The following ASH1L variants were observed in gnomAD, a reference collection of about 807,000 sequenced individuals.
The protein encoded by ASH1L is histone-lysine N-methyltransferase ASH1L.
A neutral mutation model predicts 269.0 loss-of-function variants in ASH1L; 23 were observed. That is an observed-to-expected ratio of 0.09 (90% CI 0.06 to 0.12). ASH1L has a LOEUF of 0.12. ASH1L is among the 10% of genes least tolerant of loss of function. ASH1L has a pLI of 1.00. For synonymous variants in ASH1L, 1,187 were observed against 1,253.5 expected (o/e 0.95, Z 1.12); for missense variants, 2,912 against 3,567.8 (o/e 0.82, Z 4.68).
At chr1:155,539,522 T>C (rs1253134947) in intron 1 of ASH1L, among the ~76,000 whole-genome samples, 4 of 151,978 alleles carry the variant, frequency 2.6e-5, no homozygotes, top group Non-Finnish European at 4.4e-5. Context: ...AGTGGCACGA[T>C]CATAGTTCAC....
chr1:155,519,172 C>T (rs1251940050), intron 2 of ASH1L, among the ~76,000 whole-genome samples: 2 of 152,148 alleles, frequency 1.3e-5, no homozygotes, highest in Admixed American at 6.6e-5. Context: ...TGGTGGCTCA[C>T]GCCTGTCATC....
intron 2 of ASH1L, among the ~76,000 whole-genome samples, chr1:155,500,568 G>GA (rs199674167): frequency 1.2e-4 from 18 of 147,120 alleles, no homozygotes; most frequent in African/African-American, 2.5e-4. Context: ...TAGGCATAAG[G>GA]AAAAAAAAAA....
intron 17 of ASH1L, among the ~76,000 whole-genome samples, chr1:155,351,530 G>A (rs936773173): frequency 6.6e-6 from 1 of 151,440 alleles, no homozygotes; most frequent in Non-Finnish European, 1.5e-5. Context: ...TCCAACCTGG[G>A]CGACAGACTG....
intron 4 of ASH1L, among the ~76,000 whole-genome samples, chr1:155,442,981 A>G (rs1008810073): frequency 1.3e-5 from 2 of 152,136 alleles, no homozygotes; most frequent in African/African-American, 4.8e-5. Context: ...TTATCCTAAT[A>G]CTTTCTCCTT....
At chr1:155,521,872 C>A (rs770957290) in intron 1 of ASH1L, among the ~76,000 whole-genome samples, 1 of 152,124 alleles carries the variant, frequency 6.6e-6, no homozygotes, top group African/African-American at 2.4e-5. Flanking sequence ...TTAAGAATCA[C>A]CAAGAAGCTT....
At chr1:155,488,387 C>CG (rs1343297352) in intron 2 of ASH1L, among the ~76,000 whole-genome samples, 1 of 149,132 alleles carries the variant, frequency 6.7e-6, no homozygotes, top group Non-Finnish European at 1.5e-5. Flanking sequence ...AAGCCGGGTA[C>CG]GGTGGCTCAT....
intron 5 of ASH1L, among the ~76,000 whole-genome samples, chr1:155,421,822 T>G (rs901001586): frequency 2.0e-5 from 3 of 152,144 alleles, no homozygotes; most frequent in Admixed American, 1.3e-4. Flanking sequence ...ATGACTAATT[T>G]TTTTTTTGAA....
chr1:155,501,098 T>C (rs983218481), intron 2 of ASH1L, among the ~76,000 whole-genome samples: 1 of 152,284 alleles, frequency 6.6e-6, no homozygotes, highest in East Asian at 1.9e-4. Flanking sequence ...ATAATAAAAT[T>C]GTTTGACTTG....
At chr1:155,529,649 A>G (rs956560647) in intron 1 of ASH1L, among the ~76,000 whole-genome samples, 4 of 152,104 alleles carry the variant, frequency 2.6e-5, no homozygotes, top group South Asian at 2.1e-4. Flanking sequence ...TTCAACCCTC[A>G]TATCTCTTCC....
intron 3 of ASH1L, among the ~76,000 whole-genome samples, chr1:155,472,108 C>T (rs536570630): frequency 2.6e-5 from 4 of 152,176 alleles, no homozygotes; most frequent in South Asian, 4.2e-4. Context: ...CTGGCCAATA[C>T]AGTGAAACCC....
intron 4 of ASH1L, 74 bp downstream of exon 4, chr1:155,459,723 A>G (rs1664145580): frequency 2.5e-6 from 3 of 1,203,022 alleles, no homozygotes; most frequent in Admixed American, 2.0e-5. Flanking sequence ...TTTTTCTACA[A>G]TATTGTAACT....
At position 155,370,947 on chromosome 1, in the gene ASH1L, T is replaced by C. The variant is rs1327460409; in HGVS notation, c.6369A>G (p.Pro2123=). ...TCTGGTTACAGCATTGCTCGCCACA[T>C]GGGCAAGTGTTGGGGGAACACTCAG... ...IFAECSPNTC[P]CGEQCCNQRI... is the part of the protein sequence containing the mutation. The change falls in exon 11 of 28, where the codon CCA becomes CCG. Residue 2123 remains proline (P), a synonymous_variant. Transcript: ENST00000392403. The C allele has an allele frequency of 6.2e-7, 1 of 1,614,040 alleles. No homozygotes were observed. Among genetic ancestry groups the C allele is most frequent in the East Asian group, 2.2e-5 (1 of 44,892 alleles).
chr1:155,498,716 C>T (rs1429785061), intron 2 of ASH1L, among the ~76,000 whole-genome samples: 1 of 152,050 alleles, frequency 6.6e-6, no homozygotes. Context: ...GCTGGGATTA[C>T]AGGCATAAGC....
chr1:155,377,094 A>G (rs898747500), intron 10 of ASH1L, among the ~76,000 whole-genome samples: 9 of 151,568 alleles, frequency 5.9e-5, no homozygotes, highest in Non-Finnish European at 1.2e-4. Context: ...TTTAGTAGAG[A>G]TGGGGTTTCT....
chr1:155,529,681 G>C lies in ASH1L; in HGVS notation c.-99-8063C>G, dbSNP rs554996951. Among the ~76,000 whole-genome samples, 11 of 152,196 alleles carry C rather than the reference G, an allele frequency of 7.2e-5. No homozygotes were observed. The South Asian group carries it at 2.1e-3, about 29-fold the overall frequency. On this transcript the variant is annotated intron_variant, in intron 1 of 27. Coordinates refer to ENST00000392403, the MANE Select transcript of ASH1L (RefSeq NM_018489.3). ...TTCCAGTCTTCTCAATTCAGTTGCA[G>C]GGTGATCCTTTCAAAGCCTGATTCA... is the stretch of plus-strand genomic sequence containing the variant.
At chr1:155,342,363 G>A (rs928985092) in intron 24 of ASH1L, among the ~76,000 whole-genome samples, 1 of 152,240 alleles carries the variant, frequency 6.6e-6, no homozygotes, top group East Asian at 1.9e-4. Context: ...CTGCAGGGAT[G>A]TGTGAGGGAG....
chr1:155,549,349 A>G lies in ASH1L; in HGVS notation c.-100+12804T>C, dbSNP rs182314762. ...CAGAGAGACCCTGTCTCAAAAAAAA[A>G]CTTTTTGGCCAGACACAGTGGCTCA... On this transcript the variant is annotated intron_variant, in intron 1 of 27. Coordinates refer to ENST00000392403, the MANE Select transcript of ASH1L (RefSeq NM_018489.3). Among the ~76,000 whole-genome samples the G allele has an allele frequency of 1.7e-4, 26 of 152,168 alleles. 1 individual carries two copies. The highest frequency in any genetic ancestry group is 5.8e-4 in the African/African-American group (24 of 41,500).
chr1:155,352,297 C>CAAAAAAAAAAAAAAAA (rs1281473342), intron 17 of ASH1L, among the ~76,000 whole-genome samples: 1 of 28,118 alleles, frequency 3.6e-5, no homozygotes, highest in Non-Finnish European at 7.6e-5. Flanking sequence ...ACCTCCATCT[C>CAAAAAAAAAAAAAAAA]AAAAAAAAAA....
At chr1:155,473,549 A>G (rs1665281529) in intron 3 of ASH1L, among the ~76,000 whole-genome samples, 1 of 150,234 alleles carries the variant, frequency 6.7e-6, no homozygotes, top group African/African-American at 2.5e-5. Flanking sequence ...GCTGGAGTGA[A>G]GTGGCACGAT....
Sources: gnomAD v4.1 joint callset for allele counts (sites outside exome capture counted in the v4.1 genomes callset) on GRCh38, gnomAD v4.1.1 for gene constraint, MANE v1.5 for transcripts, NCBI Gene and HGNC (gene_info 2026-07-23, HGNC 2026-07-21) for gene names.